CNTN3: variants seen among roughly 807,000 people sequenced by gnomAD.
CNTN3 encodes the protein contactin-3.
A neutral mutation model predicts 119.1 loss-of-function variants in CNTN3; 60 were observed. The observed-to-expected ratio is 0.50, with a 90% CI of 0.41 to 0.62. The LOEUF is 0.62. Among genes scored for constraint, CNTN3 ranks in the 20% least tolerant of loss-of-function variants. The pLI is 0.00. For synonymous variants in CNTN3, 450 were observed against 438.7 expected, an observed-to-expected ratio of 1.03 and a Z score of -0.32; for missense variants, 1,101 against 1,242.4, an observed-to-expected ratio of 0.89 and a Z score of 1.71.
intron 4 of CNTN3, among the ~76,000 whole-genome samples, chr3:74,464,707 CCTT>C (rs1161143480): frequency 2.0e-5 from 3 of 152,124 alleles, no homozygotes; most frequent in African/African-American, 7.2e-5. Flanking sequence ...GTTTTGCACT[CCTT>C]CTCCTCCTCC....
chr3:74,592,874 C>T (rs1704729240), intron 1 of CNTN3, among the ~76,000 whole-genome samples: 1 of 151,862 alleles, frequency 6.6e-6, no homozygotes, highest in Non-Finnish European at 1.5e-5. Context: ...TTATTTTACA[C>T]AAAAAATAAG....
intron 1 of CNTN3, among the ~76,000 whole-genome samples, chr3:74,591,366 GTTT>G (rs1380617543): frequency 6.6e-6 from 1 of 151,970 alleles, no homozygotes; most frequent in Admixed American, 6.6e-5. Flanking sequence ...CAGGTTGGCA[GTTT>G]TTTTCTTGTG....
chr3:74,284,995 A>G (rs748141444), intron 20 of CNTN3, among the ~76,000 whole-genome samples: 1 of 152,216 alleles, frequency 6.6e-6, no homozygotes, highest in Non-Finnish European at 1.5e-5. Context: ...TTGGGAAACT[A>G]AAAATACATG....
At chr3:74,602,030 C>T (rs1163306707) in intron 1 of CNTN3, among the ~76,000 whole-genome samples, 1 of 151,924 alleles carries the variant, frequency 6.6e-6, no homozygotes, top group Non-Finnish European at 1.5e-5. Flanking sequence ...ATGAACAGGC[C>T]AGGCATGATG....
chr3:74,605,397 A>C (rs1173966329), intron 1 of CNTN3, among the ~76,000 whole-genome samples: 1 of 152,126 alleles, frequency 6.6e-6, no homozygotes, highest in Non-Finnish European at 1.5e-5. Context: ...TATACAATAA[A>C]TATATATAAT....
chr3:74,575,020 C>T (rs1704392025), intron 1 of CNTN3, among the ~76,000 whole-genome samples: 1 of 151,498 alleles, frequency 6.6e-6, no homozygotes, highest in African/African-American at 2.4e-5. Flanking sequence ...ACCTCCCAGA[C>T]TCAAGCAATC....
intron 1 of CNTN3, among the ~76,000 whole-genome samples, chr3:74,575,844 G>A (rs1350488684): frequency 2.0e-5 from 3 of 151,974 alleles, no homozygotes; most frequent in East Asian, 1.9e-4. Context: ...AGCCCACGTG[G>A]TTCCTTGGAA....
chr3:74,325,661 A>G (rs1261668772), intron 13 of CNTN3, among the ~76,000 whole-genome samples: 2 of 152,190 alleles, frequency 1.3e-5, no homozygotes, highest in Non-Finnish European at 2.9e-5. Context: ...GTAATGACCC[A>G]AAAGAGCTAA....
chr3:74,526,567 T>A (rs150659691), intron 1 of CNTN3, among the ~76,000 whole-genome samples: 2 of 151,838 alleles, frequency 1.3e-5, no homozygotes, highest in Non-Finnish European at 2.9e-5. Flanking sequence ...ACTGGCCAGA[T>A]AGGTAATCAA....
intron 19 of CNTN3, among the ~76,000 whole-genome samples, chr3:74,293,775 TA>T (rs1702281153): frequency 6.6e-6 from 1 of 152,160 alleles, no homozygotes; most frequent in Non-Finnish European, 1.5e-5. Flanking sequence ...ACACCTGGCT[TA>T]TTCTGCCCTC....
chr3:74,360,314 T>C (rs1164492720), intron 11 of CNTN3, among the ~76,000 whole-genome samples: 1 of 152,194 alleles, frequency 6.6e-6, no homozygotes, highest in East Asian at 1.9e-4. Flanking sequence ...ATGACTTCAA[T>C]GGCTGAGACC....
chr3:74,530,897 A>G (rs897004984), intron 1 of CNTN3, among the ~76,000 whole-genome samples: 1 of 151,942 alleles, frequency 6.6e-6, no homozygotes, highest in Admixed American at 6.6e-5. Flanking sequence ...AAGTGAACCC[A>G]TGGAAGAACC....
At position 74,457,642 on chromosome 3, in the gene CNTN3, G is replaced by A. The variant is rs576415937; in HGVS notation, c.358+28814C>T. Among the ~76,000 whole-genome samples, 27 of 152,020 alleles carry A rather than the reference G, an allele frequency of 1.8e-4. 1 individual carries two copies. Among genetic ancestry groups the A allele is most frequent in the Admixed American group, 1.4e-3 (22 of 15,220 alleles). Reference sequence around the variant, plus strand: ...AAAAGGGTTTACTGTGATTCATCACGTGTGCCACATGCATACTCACTATTA... The same window carrying A: ...AAAAGGGTTTACTGTGATTCATCACATGTGCCACATGCATACTCACTATTA... On this transcript the variant is annotated intron_variant, in intron 4 of 22. Coordinates refer to ENST00000263665, the MANE Select transcript of CNTN3 (RefSeq NM_020872.3).
At chr3:74,429,319 C>T (rs750969727) in intron 4 of CNTN3, among the ~76,000 whole-genome samples, 11 of 151,740 alleles carry the variant, frequency 7.2e-5, no homozygotes, top group Non-Finnish European at 1.6e-4. Context: ...TGATCAAGAC[C>T]ATGTGGTAGT....
chr3:74,410,337 T>C (rs921456225), intron 5 of CNTN3, among the ~76,000 whole-genome samples: 1 of 152,186 alleles, frequency 6.6e-6, no homozygotes, highest in East Asian at 1.9e-4. Flanking sequence ...AAAACCCATA[T>C]AGATTTCATG....
chr3:74,491,739 A>AT (rs949145865), intron 3 of CNTN3, among the ~76,000 whole-genome samples: 5 of 152,160 alleles, frequency 3.3e-5, no homozygotes, highest in African/African-American at 1.2e-4. Flanking sequence ...AGTAGTAAAC[A>AT]TTGCCTTTTG....
intron 4 of CNTN3, among the ~76,000 whole-genome samples, chr3:74,477,552 A>G (rs186355976): frequency 4.3e-4 from 65 of 152,254 alleles, no homozygotes; most frequent in Admixed American, 2.8e-3. Context: ...ATGGGCTTAA[A>G]TAAGGATGGT....
intron 1 of CNTN3, among the ~76,000 whole-genome samples, chr3:74,562,671 CT>C (rs1165323499): frequency 1.3e-5 from 2 of 152,128 alleles, no homozygotes; most frequent in East Asian, 3.9e-4. Flanking sequence ...GCTACCATGG[CT>C]TCCACACTGA....
At chr3:74,303,694 T>C (rs1473054282) in intron 13 of CNTN3, among the ~76,000 whole-genome samples, 2 of 152,108 alleles carry the variant, frequency 1.3e-5, no homozygotes, top group African/African-American at 4.8e-5. Flanking sequence ...CAAGACTCTG[T>C]CTCCGCCTCC....
Sources: allele counts gnomAD v4.1 joint callset (sites outside exome capture counted in the v4.1 genomes callset), GRCh38; gene constraint gnomAD v4.1.1; transcripts MANE v1.5; gene names NCBI Gene and HGNC (gene_info 2026-07-23, HGNC 2026-07-21).